The following MICU1 variants were observed in gnomAD, a reference collection of about 807,000 sequenced individuals.
MICU1 encodes the protein mitochondrial calcium uptake 1.
A neutral mutation model predicts 56.8 loss-of-function variants in MICU1; 45 were observed. The observed-to-expected ratio is 0.79, with a 90% CI of 0.62 to 1.02. The LOEUF (loss-of-function observed/expected upper bound fraction) is 1.02, where lower values mean the gene tolerates loss of function less well. Ranked by LOEUF, MICU1 falls within the 50% of genes least tolerant of loss-of-function variation. The probability of loss-of-function intolerance (pLI) is 0.00; values close to 1 mark genes in which losing one functional copy is unlikely to be tolerated. For missense variants in MICU1, 504 were observed against 587.1 expected (o/e 0.86, Z 1.46); for synonymous variants, 186 against 195.1 (o/e 0.95, Z 0.39).
intron 5 of MICU1, chr10:72,523,674 G>C: frequency 1.7e-6 from 1 of 576,224 alleles, no homozygotes. Context: ...CTACAACTCA[G>C]TTTAATTTAT....
At chr10:72,522,177 T>G (rs142363575) in intron 5 of MICU1, among the ~76,000 whole-genome samples, 44 of 152,122 alleles carry the variant, frequency 2.9e-4, no homozygotes, top group Non-Finnish European at 6.2e-4. Context: ...TATACTCTTA[T>G]AGAACTTTAT....
chr10:72,575,190 T>C (rs1840709232), intron 1 of MICU1, among the ~76,000 whole-genome samples: 1 of 152,188 alleles, frequency 6.6e-6, no homozygotes, highest in Non-Finnish European at 1.5e-5. Context: ...TGAGCCACCA[T>C]GCCCAACTTT....
chr10:72,556,968 G>A (rs1840173833), intron 3 of MICU1, among the ~76,000 whole-genome samples: 1 of 151,952 alleles, frequency 6.6e-6, no homozygotes, highest in East Asian at 1.9e-4. Context: ...GGGTGGCTGA[G>A]GCAGGGAGAA....
chr10:72,393,278 C>G (rs1422275096), intron 10 of MICU1, among the ~76,000 whole-genome samples: 1 of 151,914 alleles, frequency 6.6e-6, no homozygotes, highest in East Asian at 1.9e-4. Context: ...ACACATAAAC[C>G]TGAGAAAATA....
At chr10:72,623,300 C>CAAAAAAAAAAAAAAAA (rs1164753291) in intron 1 of MICU1, among the ~76,000 whole-genome samples, 5 of 55,862 alleles carry the variant, frequency 9.0e-5, no homozygotes, top group African/African-American at 2.4e-4. Context: ...GACTCCGTCT[C>CAAAAAAAAAAAAAAAA]AAAAAAAAAA....
chr10:72,490,671 G>T (rs1258823287), intron 6 of MICU1, among the ~76,000 whole-genome samples: 2 of 152,078 alleles, frequency 1.3e-5, no homozygotes, highest in Non-Finnish European at 2.9e-5. Context: ...ATACTTTTCT[G>T]CACAATGGCA....
At chr10:72,508,460 G>T in intron 5 of MICU1, 191 bp from the exon 6 acceptor site, 1 of 388,376 alleles carries the variant, frequency 2.6e-6, no homozygotes, top group Non-Finnish European at 4.6e-6. Context: ...CAAAAATTAT[G>T]TTTTCATTTC....
chr10:72,573,193 G>C lies in MICU1; in HGVS notation c.-1-6399C>G, dbSNP rs187007823. On this transcript the variant is annotated intron_variant, in intron 1 of 11. Coordinates refer to ENST00000361114, the MANE Select transcript of MICU1 (RefSeq NM_001195518.2). ...TTATCTTTTTAAAAGCAATAGGCCA[G>C]CCGCAGTAGCTCATGCCTGTAATCC... Among the ~76,000 whole-genome samples the C allele has an allele frequency of 1.3e-4, 20 of 151,184 alleles. No individual in the cohort carries two copies. The East Asian group carries it at 2.5e-3, about 19-fold the overall frequency.
intron 1 of MICU1, among the ~76,000 whole-genome samples, chr10:72,567,288 G>C (rs1193539126): frequency 6.6e-6 from 1 of 151,996 alleles, no homozygotes; most frequent in South Asian, 2.1e-4. Flanking sequence ...AGGTGACAGT[G>C]AGCTATGATC....
At chr10:72,521,021 T>A (rs767358270) in intron 5 of MICU1, among the ~76,000 whole-genome samples, 4 of 152,114 alleles carry the variant, frequency 2.6e-5, no homozygotes, top group Non-Finnish European at 4.4e-5. Flanking sequence ...CTCAAATGGA[T>A]CAATGCTAAA....
intron 8 of MICU1, among the ~76,000 whole-genome samples, chr10:72,433,219 C>T (rs1328684581): frequency 1.3e-5 from 2 of 152,152 alleles, no homozygotes; most frequent in African/African-American, 4.8e-5. Flanking sequence ...GGATTACAGG[C>T]GTGAGCCACT....
At chr10:72,437,475 G>T (rs1864771338) in intron 8 of MICU1, among the ~76,000 whole-genome samples, 2 of 152,176 alleles carry the variant, frequency 1.3e-5, no homozygotes, top group South Asian at 2.1e-4. Flanking sequence ...TTAGCATGAA[G>T]AAACTGCATA....
At chr10:72,415,739 G>A (rs774890888) in intron 9 of MICU1, among the ~76,000 whole-genome samples, 8 of 152,100 alleles carry the variant, frequency 5.3e-5, no homozygotes, top group Non-Finnish European at 1.0e-4. Flanking sequence ...ATCTTAGGCT[G>A]GCATCTGGCA....
chr10:72,551,052 T>C (rs1840022742), intron 4 of MICU1, 127 bp downstream of exon 4: 3 of 942,262 alleles, frequency 3.2e-6, no homozygotes, highest in Non-Finnish European at 2.9e-6. Flanking sequence ...ATGCCTGATA[T>C]TCAATAGACA....
At chr10:72,582,509 G>A (rs1048480076) in intron 1 of MICU1, among the ~76,000 whole-genome samples, 1 of 152,164 alleles carries the variant, frequency 6.6e-6, no homozygotes, top group African/African-American at 2.4e-5. Context: ...GGAGGCCAAG[G>A]TGGGTGAATT....
intron 3 of MICU1, 45 bp from the exon 4 acceptor site, chr10:72,551,386 C>T (rs1157325338): frequency 1.6e-5 from 21 of 1,352,940 alleles, no homozygotes; most frequent in Admixed American, 2.3e-5. Flanking sequence ...AAGCAATGCT[C>T]ATATGCTCAT....
At chr10:72,474,282 A>G (rs919743590) in intron 8 of MICU1, among the ~76,000 whole-genome samples, 2 of 148,378 alleles carry the variant, frequency 1.3e-5, no homozygotes, top group South Asian at 2.1e-4. Flanking sequence ...AAAAAAAAAA[A>G]AAAAAGAAGA....
chr10:72,386,716 T>G (rs1862904377), intron 10 of MICU1, among the ~76,000 whole-genome samples: 1 of 151,940 alleles, frequency 6.6e-6, no homozygotes, highest in Non-Finnish European at 1.5e-5. Flanking sequence ...TGTGCCACCA[T>G]GCCTGGCTAA....
At chr10:72,469,009 C>T (rs917221708) in intron 8 of MICU1, among the ~76,000 whole-genome samples, 9 of 152,106 alleles carry the variant, frequency 5.9e-5, no homozygotes, top group African/African-American at 2.4e-5. Context: ...CTAGTTCTAC[C>T]ATATAATAGT....
Sources: gnomAD v4.1 joint callset for allele counts (sites outside exome capture counted in the v4.1 genomes callset) on GRCh38, gnomAD v4.1.1 for gene constraint, MANE v1.5 for transcripts, NCBI Gene and HGNC (gene_info 2026-07-23, HGNC 2026-07-21) for gene names.